INSR: variants seen among roughly 807,000 people sequenced by gnomAD.
INSR encodes insulin receptor.
Under a neutral mutation model 142.6 loss-of-function variants are expected in INSR, and 67 were observed. The ratio of observed to expected loss-of-function variants is 0.47; its 90% confidence interval spans 0.39 to 0.58. The LOEUF is 0.58. Ranked by LOEUF, INSR falls within the 20% of genes least tolerant of loss-of-function variation. The pLI, the probability that INSR is intolerant of heterozygous loss-of-function variation, is 0.00. For missense variants in INSR, 1,248 were observed against 1,833.2 expected (o/e 0.68, Z 5.83); for synonymous variants, 756 against 743.1 (o/e 1.02, Z -0.28).
chr19:7,158,092 T>TTA (rs1568454104), intron 9 of INSR, among the ~76,000 whole-genome samples: 4 of 132,748 alleles, frequency 3.0e-5, no homozygotes, highest in African/African-American at 1.3e-4. Flanking sequence ...TATTATTATT[T>TTA]GGAGAGGAAG....
intron 2 of INSR, among the ~76,000 whole-genome samples, chr19:7,259,476 C>T (rs933880432): frequency 3.3e-5 from 5 of 152,124 alleles, no homozygotes; most frequent in Admixed American, 2.0e-4. Flanking sequence ...CCCAGAACCA[C>T]GGCTGGCATG....
rs565415969 is a variant in INSR, at chr19:7,265,526, A to C, written c.652+1819T>G. On this transcript the variant is annotated intron_variant, in intron 2 of 21. Coordinates refer to ENST00000302850, the MANE Select transcript of INSR (RefSeq NM_000208.4). ...GAGGCCGAGGTGGGTGGATCACCTGAGAGTTCGAGACCAGCCTGGTCAACG... is the reference window on the plus strand; with the variant it reads ...GAGGCCGAGGTGGGTGGATCACCTGCGAGTTCGAGACCAGCCTGGTCAACG... Among the ~76,000 whole-genome samples the C allele has an allele frequency of 1.2e-3, 190 of 152,138 alleles. 1 individual carries two copies. The highest frequency in any genetic ancestry group is 4.5e-3 in the African/African-American group (186 of 41,540).
chr19:7,226,301 T>A (rs1418241973), intron 2 of INSR, among the ~76,000 whole-genome samples: 2 of 149,940 alleles, frequency 1.3e-5, no homozygotes, highest in Admixed American at 6.7e-5. Context: ...TCCCAGCTAC[T>A]CAGGAGGCTG....
At chr19:7,201,431 C>T (rs1974948505) in intron 2 of INSR, among the ~76,000 whole-genome samples, 1 of 151,870 alleles carries the variant, frequency 6.6e-6, no homozygotes, top group Non-Finnish European at 1.5e-5. Flanking sequence ...TCAAGACCAG[C>T]CTGGCCAACA....
intron 2 of INSR, among the ~76,000 whole-genome samples, chr19:7,188,549 A>C (rs77551990): frequency 1.0e-4 from 1 of 9,566 alleles, no homozygotes; most frequent in Non-Finnish European, 2.2e-4. Flanking sequence ...GACTCCGTCC[A>C]AAAAAAAAAA....
In INSR at chr19:7,166,644, G is replaced by A. The variant is rs10424428; in HGVS notation, c.1611-240C>T. ...TTCAAAACACTTGAGACTTGGCCAA[G>A]TGCAGTGGCTCACGCCTGTAATCCC... On this transcript the variant is annotated intron_variant, in intron 7 of 21. Coordinates refer to ENST00000302850, the MANE Select transcript of INSR (RefSeq NM_000208.4). The surrounding 1 kb of genome is among the most constrained non-coding windows in gnomAD (Gnocchi z 4.1). 0.031 allele frequency among the ~76,000 whole-genome samples: 4,792 copies of A among 152,308 alleles called. 233 individuals are homozygous for A. The highest frequency in any genetic ancestry group is 0.11 in the African/African-American group (4,462 of 41,550).
intron 9 of INSR, among the ~76,000 whole-genome samples, chr19:7,154,509 A>T (rs528821479): frequency 6.7e-6 from 1 of 150,228 alleles, no homozygotes; most frequent in African/African-American, 2.4e-5. Flanking sequence ...TCATTGTGTT[A>T]GCCAGGATGG....
chr19:7,141,901 C>T lies in INSR; in HGVS notation c.2543-85G>A, dbSNP rs1599895469. 7 of 1,092,552 alleles carry T rather than the reference C, an allele frequency of 6.4e-6. No individual in the cohort carries two copies. The South Asian group carries it at 7.8e-5, about 12-fold the overall frequency. The allele number at this position is 1,092,552 out of a possible 1,614,324, so 67.7% of individuals were successfully genotyped here. A position where few individuals can be genotyped will look rare whatever the true frequency, so the allele number is the denominator to read the frequency against. ...CACCTGTCCATGGTGCAACCTTGGG[C>T]TGGTGACGTCATTTTCCCACAACCC... On this transcript the variant is annotated intron_variant, in intron 12 of 21. Coordinates refer to ENST00000302850, the MANE Select transcript of INSR (RefSeq NM_000208.4).
intron 2 of INSR, among the ~76,000 whole-genome samples, chr19:7,205,156 T>A (rs770856874): frequency 2.0e-5 from 3 of 152,172 alleles, no homozygotes; most frequent in Non-Finnish European, 4.4e-5. Flanking sequence ...TATCAACAGA[T>A]CTGAGCTCCT....
intron 2 of INSR, among the ~76,000 whole-genome samples, chr19:7,254,230 A>G (rs902945966): frequency 1.3e-5 from 2 of 151,992 alleles, no homozygotes; most frequent in Non-Finnish European, 2.9e-5. Flanking sequence ...TAAAAAATAA[A>G]TTAGCCAGGG....
chr19:7,151,210 T>TTCTTTCTTTC (rs1262930135), intron 10 of INSR, among the ~76,000 whole-genome samples: 63 of 132,392 alleles, frequency 4.8e-4, no homozygotes, highest in Middle Eastern at 3.8e-3. Context: ...CTTTCTTTCT[T>TTCTTTCTTTC]TTTCTTTCTC....
intron 2 of INSR, among the ~76,000 whole-genome samples, chr19:7,239,309 A>C (rs1976265990): frequency 6.7e-6 from 1 of 149,264 alleles, no homozygotes; most frequent in Admixed American, 6.7e-5. Context: ...CCCACCCCAA[A>C]ACAGCTCCCA....
chr19:7,132,457 C>T (rs540045771), intron 13 of INSR, 140 bp from the exon 14 acceptor site: 42 of 890,788 alleles, frequency 4.7e-5, no homozygotes, highest in South Asian at 3.5e-4. Flanking sequence ...GACACATAAG[C>T]GACTTTGAGA....
intron 13 of INSR, among the ~76,000 whole-genome samples, chr19:7,138,339 C>A (rs969234881): frequency 1.3e-5 from 2 of 152,136 alleles, no homozygotes; most frequent in Non-Finnish European, 2.9e-5. Flanking sequence ...ATTTTAACTT[C>A]TACATTACAC....
rs755617421 is a variant in INSR at position 7,292,470 on chromosome 19, TG to T, written c.100+1321del. Among the ~76,000 whole-genome samples, 367 of 100,824 alleles carry T rather than the reference TG, an allele frequency of 3.6e-3. 3 individuals carry two copies. The highest frequency in any genetic ancestry group is 9.1e-3 in the African/African-American group (249 of 27,268). The allele number at this position is 100,824 out of a possible 152,430, so 66.1% of individuals were successfully genotyped here. On this transcript the variant is annotated intron_variant, in intron 1 of 21. Coordinates refer to ENST00000302850, the MANE Select transcript of INSR (RefSeq NM_000208.4). ...TCTCCCAGGCACCTGGGGGCGGGGC[TG>T]GGGGGGGGTGGGCCCGGGGCTTTTA... is the stretch of plus-strand genomic sequence containing the variant.
rs1972436979 is a variant in INSR at position 7,119,768 on chromosome 19, A to ACACGCATGCG, written c.3660-195_3660-186dup. 6.9e-6 allele frequency among the ~76,000 whole-genome samples: 1 copy of ACACGCATGCG among 143,958 alleles called. No homozygotes were observed. Among genetic ancestry groups the ACACGCATGCG allele is most frequent in the Non-Finnish European group, 1.5e-5 (1 of 66,934 alleles). 94.4% of individuals were successfully genotyped at this position (143,958 alleles called of 152,430 possible). On this transcript the variant is annotated intron_variant, in intron 20 of 21. Coordinates refer to ENST00000302850, the MANE Select transcript of INSR (RefSeq NM_000208.4). This position sits in a 1 kb window ranked among gnomAD's most constrained non-coding sequence, Gnocchi z 5.2. ...TGCACACACATGCAAATACACACAA[A>ACACGCATGCG]CACGCATGCGCACACATGCACACAC...
chr19:7,137,151 G>A (rs16994169), intron 13 of INSR, among the ~76,000 whole-genome samples: 2,756 of 151,760 alleles, frequency 0.018, 47 homozygotes, highest in African/African-American at 0.043. Flanking sequence ...ATTTTTATGT[G>A]CACAATTTAT....
At chr19:7,190,288 A>T (rs970640109) in intron 2 of INSR, among the ~76,000 whole-genome samples, 1 of 151,886 alleles carries the variant, frequency 6.6e-6, no homozygotes, top group East Asian at 1.9e-4. Context: ...TATTTCAGTG[A>T]CTATACATGT....
rs191562326 is a variant in INSR, at chr19:7,290,799, C to T, written c.100+2993G>A. On this transcript the variant is annotated intron_variant, in intron 1 of 21. Coordinates refer to ENST00000302850, the MANE Select transcript of INSR (RefSeq NM_000208.4). ...AAAAGAAAAAAAAAAAGGCCAGGTA[C>T]GGTGGCTCACTCCTGTAATCCCAAC... Among the ~76,000 whole-genome samples, 285 of 146,754 alleles carry T rather than the reference C, an allele frequency of 1.9e-3. 2 individuals are homozygous for T. The highest frequency in any genetic ancestry group is 6.7e-3 in the African/African-American group (264 of 39,366).
Sources: gnomAD v4.1 joint callset for allele counts (sites outside exome capture counted in the v4.1 genomes callset) on GRCh38, gnomAD v4.1.1 for gene constraint, Gnocchi (gnomAD v3.1) non-coding constraint, MANE v1.5 for transcripts, NCBI Gene and HGNC (gene_info 2026-07-23, HGNC 2026-07-21) for gene names.